APOB: variants seen among roughly 807,000 people sequenced by gnomAD.
APOB encodes apolipoprotein B, also known as apolipoprotein B-100.
APOB carries 153 observed loss-of-function variants against 314.1 expected under a neutral mutation model. The observed-to-expected ratio is 0.49, with a 90% CI of 0.43 to 0.56. The LOEUF (loss-of-function observed/expected upper bound fraction) is 0.56, where lower values mean the gene tolerates loss of function less well. Among genes scored for constraint, APOB ranks in the 20% least tolerant of loss-of-function variants. APOB has a pLI of 0.00. For missense variants in APOB, 5,430 were observed against 5,350.7 expected (o/e 1.01, Z -0.46); for synonymous variants, 2,087 against 2,036.4 (o/e 1.02, Z -0.67).
At position 21,005,213 on chromosome 2, in the gene APOB, T is replaced by C; in HGVS notation, c.11655A>G (p.Ala3885=). ...IVIPSFQALT[A]RFEVDSPVYN... Reference sequence around the variant, plus strand: ...ACACGGGAGAGTCTACCTCAAAGCGTGCAGTCAGTGCTTGAAAGGAAGGAA... The same window carrying C: ...ACACGGGAGAGTCTACCTCAAAGCGCGCAGTCAGTGCTTGAAAGGAAGGAA... The change falls in exon 26 of 29, where the codon GCA becomes GCG. Residue 3885 remains alanine (A), a synonymous_variant. Coordinates refer to ENST00000233242, the MANE Select transcript of APOB (RefSeq NM_000384.3). 6.2e-7 allele frequency: 1 copy of C among 1,614,044 alleles called. No homozygotes were observed. Among genetic ancestry groups the C allele is most frequent in the Non-Finnish European group, 8.5e-7 (1 of 1,179,932 alleles).
At position 21,020,782 on chromosome 2, in the gene APOB, T is replaced by C. The variant is rs12720773; in HGVS notation, c.2817-877A>G. On this transcript the variant is annotated intron_variant, in intron 18 of 28. Coordinates refer to ENST00000233242, the MANE Select transcript of APOB (RefSeq NM_000384.3). ...GTGCCACAAGACCAAGCTTTGCTGATGTGCTGGAGTCCTAATGCCAGCTTT... is the reference window on the plus strand; with the variant it reads ...GTGCCACAAGACCAAGCTTTGCTGACGTGCTGGAGTCCTAATGCCAGCTTT... Among the ~76,000 whole-genome samples, 1,298 of 152,372 alleles carry C rather than the reference T, an allele frequency of 8.5e-3. 19 individuals carry two copies. The highest frequency in any genetic ancestry group is 0.029 in the African/African-American group (1,208 of 41,588).
rs780620223 is a variant in APOB at position 21,005,981 on chromosome 2, C to T, written c.10887G>A (p.Gln3629=). 1.9e-6 allele frequency: 3 copies of T among 1,613,956 alleles called. No homozygotes were observed. The East Asian group carries it at 6.7e-5, about 36-fold the overall frequency. The change falls in exon 26 of 29, where the codon CAG becomes CAA. Residue 3629 remains glutamine (Q), a synonymous_variant. Transcript: ENST00000233242. ...GGACTTCATTTTTCCATCTGATCTTCTGGTTCTTAGTGTTAGCATTCAGGG... is the reference window on the plus strand; with the variant it reads ...GGACTTCATTTTTCCATCTGATCTTTTGGTTCTTAGTGTTAGCATTCAGGG... The part of the protein sequence containing the change: ...EVALNANTKN[Q]KIRWKNEVRI...
At chr2:21,028,259 CAA>C in intron 13 of APOB, 66 bp downstream of exon 13, 1 of 1,428,320 alleles carries the variant, frequency 7.0e-7, no homozygotes. Flanking sequence ...GTGGCTATGC[CAA>C]AACCTAGGGT....
intron 18 of APOB, among the ~76,000 whole-genome samples, chr2:21,021,797 A>C (rs1017210878): frequency 6.6e-6 from 1 of 152,144 alleles, no homozygotes; most frequent in Non-Finnish European, 1.5e-5. Flanking sequence ...CATGATATAA[A>C]ATTTCATGGT....
Position 21,008,627 on chromosome 2 carries a change from T to C in APOB, c.8241A>G (p.Ser2747=), listed in dbSNP as rs748608981. ...CAAAAGTAGGTACTTCAATTGTGTG[T>C]GAGATGTGGGGAAGCTGGAATTCTG... ...HIPEFQLPHI[S]HTIEVPTFGK... is the part of the protein sequence containing the mutation. The change falls in exon 26 of 29, where the codon TCA becomes TCG. Residue 2747 remains serine, a synonymous_variant. Transcript: ENST00000233242. 1 of 1,613,338 alleles carries C rather than the reference T, an allele frequency of 6.2e-7. No homozygotes were observed. Among genetic ancestry groups the C allele is most frequent in the East Asian group, 2.2e-5 (1 of 44,874 alleles).
In APOB at chr2:21,002,637, A is replaced by G; in HGVS notation, c.12785T>C (p.Leu4262Pro). 1 of 1,613,874 alleles carries G rather than the reference A, an allele frequency of 6.2e-7. No individual in the cohort carries two copies. The highest frequency in any genetic ancestry group is 8.5e-7 in the Non-Finnish European group (1 of 1,179,890). Residue 4262 changes from leucine (L) to proline (P), a missense_variant, in exon 29 of 29, where the codon CTA becomes CCA. Leu to Pro is a moderately conservative substitution (Grantham distance 98). Coordinates refer to ENST00000233242, the MANE Select transcript of APOB (RefSeq NM_000384.3). ...TLPFELRKHKLIDVISMYREL... is the reference protein window; with the variant it reads ...TLPFELRKHKPIDVISMYREL... The stretch of plus-strand genomic sequence containing the variant: ...CCTATACATCGAGATTACATCTATT[A>G]GTTTATGTTTCCTTAACTCGAAAGG...
At chr2:21,036,406 C>T (rs919626946) in intron 6 of APOB, among the ~76,000 whole-genome samples, 14 of 152,168 alleles carry the variant, frequency 9.2e-5, no homozygotes, top group Admixed American at 6.5e-5. Context: ...AGGACAATGA[C>T]CAGGAACAGC....
intron 12 of APOB, 123 bp downstream of exon 12, chr2:21,029,516 G>GA (rs1553386281): frequency 2.8e-6 from 3 of 1,090,870 alleles, no homozygotes; most frequent in Non-Finnish European, 4.1e-6. Flanking sequence ...AGGAAGGAAG[G>GA]AAGGAAAGGA....
intron 4 of APOB, among the ~76,000 whole-genome samples, chr2:21,040,518 G>C (rs1182036910): frequency 6.6e-6 from 1 of 152,192 alleles, no homozygotes; most frequent in Non-Finnish European, 1.5e-5. Context: ...AGGAGGGGGA[G>C]CCACCGAAGC....
At chr2:21,027,335 G>A (rs1373549901) in intron 14 of APOB, among the ~76,000 whole-genome samples, 1 of 115,184 alleles carries the variant, frequency 8.7e-6, no homozygotes, top group Admixed American at 9.8e-5. Context: ...TTTTTGAGAT[G>A]GAGTCTTGCT....
chr2:21,043,115 C>T (rs1158720373), intron 2 of APOB, among the ~76,000 whole-genome samples: 1 of 150,430 alleles, frequency 6.6e-6, no homozygotes, highest in Non-Finnish European at 1.5e-5. Context: ...TCCTTTAACC[C>T]CCAGGGGTCA....
In APOB at chr2:21,003,219, G is replaced by T. The variant is rs754708520; in HGVS notation, c.12203C>A (p.Thr4068Asn). Residue 4068 changes from threonine to asparagine, a missense_variant, in exon 29 of 29, where the codon ACC becomes AAC. Physicochemically the swap from Thr to Asn is moderately conservative, Grantham distance 65. Transcript: ENST00000233242. ...CTTGGGCACGTTGTCTTTCAGAGAG[G>T]TTAGCAAGCCAGAAGCTGCCTCTTC... ...WEEEAASGLL[T>N]SLKDNVPKAT... 6.2e-7 allele frequency: 1 copy of T among 1,614,014 alleles called. No homozygotes were observed. The highest frequency in any genetic ancestry group is 2.2e-5 in the East Asian group (1 of 44,870).
intron 4 of APOB, 91 bp downstream of exon 4, chr2:21,040,843 ATACT>A: frequency 5.7e-6 from 8 of 1,403,494 alleles, no homozygotes; most frequent in East Asian, 2.3e-5. Flanking sequence ...CGGAATACAA[ATACT>A]TACAGTCACA....
Position 21,029,997 on chromosome 2 carries a change from A to G in APOB, c.1371T>C (p.Pro457=). The G allele has an allele frequency of 6.2e-7, 1 of 1,612,570 alleles. No individual in the cohort carries two copies. Among genetic ancestry groups the G allele is most frequent in the Non-Finnish European group, 8.5e-7 (1 of 1,178,532 alleles). ...HAVNNYHKTN[P]TGTQELLDIA... The stretch of plus-strand genomic sequence containing the variant: ...TGTCCAGCAGCTCCTGGGTCCCTGT[A>G]GGGTTTGTCTTATGATAGCTACAGA... Residue 457 remains proline, a synonymous_variant, in exon 11 of 29, where the codon CCT becomes CCC. Coordinates refer to ENST00000233242, the MANE Select transcript of APOB (RefSeq NM_000384.3).
Position 21,009,242 on chromosome 2 carries a change from A to C in APOB, c.7626T>G (p.Val2542=). ...LQRYLSLVGQ[V]YSTLVTYISD... is the part of the protein sequence containing the mutation. ...AAATGTAGGTGACAAGTGTGCTATA[A>C]ACCTGGCCTACCAGAGACAGGTATC... is the stretch of plus-strand genomic sequence containing the variant. The change falls in exon 26 of 29, where the codon GTT becomes GTG. Residue 2542 remains valine, a synonymous_variant. Coordinates refer to ENST00000233242, the MANE Select transcript of APOB (RefSeq NM_000384.3). 6.2e-7 allele frequency: 1 copy of C among 1,614,088 alleles called. No homozygotes were observed. The highest frequency in any genetic ancestry group is 8.5e-7 in the Non-Finnish European group (1 of 1,179,972).
intron 21 of APOB, 40 bp downstream of exon 21, chr2:21,016,399 G>C: frequency 9.4e-7 from 1 of 1,061,686 alleles, no homozygotes; most frequent in Non-Finnish European, 1.5e-6. Flanking sequence ...GAACCACCCA[G>C]GCCTGCAGTG....
chr2:21,008,145 T>A lies in APOB; in HGVS notation c.8723A>T (p.Asn2908Ile). The A allele has an allele frequency of 1.9e-6, 3 of 1,614,070 alleles. No homozygotes were observed. The highest frequency in any genetic ancestry group is 2.5e-6 in the Non-Finnish European group (3 of 1,179,982). ...LDFSSQADLR[N>I]EIKTLLKAGH... is the part of the protein sequence containing the mutation. ...AGCTTTCAACAGTGTCTTGATCTCG[T>A]TGCGCAGGTCAGCCTGACTAGAGAA... The change falls in exon 26 of 29, where the codon AAC (asparagine) becomes ATC (isoleucine). Residue 2908 changes from asparagine to isoleucine, a missense_variant. Physicochemically the swap from Asn to Ile is moderately radical, Grantham distance 149. Transcript: ENST00000233242.
At position 21,015,350 on chromosome 2, in the gene APOB, A is replaced by G; in HGVS notation, c.3508+20T>C. 1.2e-6 allele frequency: 2 copies of G among 1,614,162 alleles called. No individual in the cohort carries two copies. The highest frequency in any genetic ancestry group is 1.7e-6 in the Non-Finnish European group (2 of 1,179,990). ...CCTGCATTACTTTGGAAGTGCTCAC[A>G]CAGGGGAAGAGACACATACCATAAT... On this transcript the variant is annotated intron_variant, in intron 22 of 28. Coordinates refer to ENST00000233242, the MANE Select transcript of APOB (RefSeq NM_000384.3).
In APOB at chr2:21,010,975, C is replaced by T. The variant is rs1663298665; in HGVS notation, c.5893G>A (p.Glu1965Lys). The T allele has an allele frequency of 6.2e-7, 1 of 1,614,140 alleles. No individual in the cohort carries two copies. Among genetic ancestry groups the T allele is most frequent in the Non-Finnish European group, 8.5e-7 (1 of 1,180,020 alleles). Residue 1965 changes from glutamate to lysine, a missense_variant, in exon 26 of 29, where the codon GAA becomes AAA. This residue lies in a region of APOB where 3,281 missense variants were observed against 3,171.0 expected (regional missense o/e 1.03). Transcript: ENST00000233242. ...GTAAGCAGGGCACTGACTTTGTGTT[C>T]AAGAGCTGCACTGATGCTTTTCCTA... is the stretch of plus-strand genomic sequence containing the variant. The part of the protein sequence containing the change: ...VSRKSISAAL[E>K]HKVSALLTPA...
Sources: allele counts gnomAD v4.1 joint callset (sites outside exome capture counted in the v4.1 genomes callset), GRCh38; gene constraint gnomAD v4.1.1; regional missense constraint gnomAD v4.1.1; transcripts MANE v1.5; gene names NCBI Gene and HGNC (gene_info 2026-07-23, HGNC 2026-07-21).